Variants in PREP observed in about 807,000 individuals in gnomAD.
PREP encodes the protein prolyl endopeptidase.
A neutral mutation model predicts 87.6 loss-of-function variants in PREP; 29 were observed. The observed-to-expected ratio is 0.33, with a 90% CI of 0.25 to 0.45. The LOEUF (loss-of-function observed/expected upper bound fraction) is 0.45. PREP is among the 20% of genes least tolerant of loss of function. The pLI is 1.00. For synonymous variants in PREP, 337 were observed against 328.6 expected (o/e 1.03, Z -0.28); for missense variants, 695 against 886.5 (o/e 0.78, Z 2.74).
chr6:105,357,529 C>G (rs1420504929), intron 6 of PREP, among the ~76,000 whole-genome samples: 1 of 152,200 alleles, frequency 6.6e-6, no homozygotes, highest in Admixed American at 6.5e-5. Flanking sequence ...TCTGGAGTTG[C>G]TCCATAGCCA....
chr6:105,377,883 G>A (rs1772728914), intron 2 of PREP, among the ~76,000 whole-genome samples: 2 of 152,172 alleles, frequency 1.3e-5, no homozygotes, highest in South Asian at 4.1e-4. Flanking sequence ...ACATCATACA[G>A]CTAGGAAGTG....
rs878957330 is a variant in PREP at position 105,285,422 on chromosome 6, A to G, written c.1549+64T>C. The G allele has an allele frequency of 2.6e-5, 39 of 1,505,506 alleles. No homozygotes were observed. The South Asian group carries it at 4.3e-4, about 17-fold the overall frequency. 93.3% of individuals were successfully genotyped at this position (1,505,506 alleles called of 1,614,324 possible). A position where few individuals can be genotyped will look rare whatever the true frequency, so the allele number is the denominator to read the frequency against. ...ACCCCTTCAGCTCATTCAAACAGGA[A>G]GGATCAGCACAACCTTAGCTTTGAT... On this transcript the variant is annotated intron_variant, in intron 12 of 14. Coordinates refer to ENST00000652536, the MANE Select transcript of PREP (RefSeq NM_002726.5).
At chr6:105,370,803 T>A (rs1008320909) in intron 5 of PREP, among the ~76,000 whole-genome samples, 2 of 152,196 alleles carry the variant, frequency 1.3e-5, no homozygotes, top group African/African-American at 4.8e-5. Context: ...AACTACAGGA[T>A]GTTCTGGAAA....
At chr6:105,313,588 C>T (rs1005360261) in intron 10 of PREP, among the ~76,000 whole-genome samples, 4 of 152,192 alleles carry the variant, frequency 2.6e-5, no homozygotes, top group Non-Finnish European at 5.9e-5. Context: ...AATTGTCTAC[C>T]ATCACCTATT....
chr6:105,390,912 A>G (rs1349825394), intron 2 of PREP, among the ~76,000 whole-genome samples: 1 of 152,128 alleles, frequency 6.6e-6, no homozygotes, highest in Non-Finnish European at 1.5e-5. Flanking sequence ...AGTGTAAAAA[A>G]GCAGGGCTGA....
chr6:105,395,105 T>C (rs1195581712), intron 2 of PREP, among the ~76,000 whole-genome samples: 2 of 152,248 alleles, frequency 1.3e-5, no homozygotes, highest in South Asian at 2.1e-4. Flanking sequence ...ATTGCCATGG[T>C]AGAATATGAA....
At chr6:105,340,394 A>G (rs1292736603) in intron 7 of PREP, among the ~76,000 whole-genome samples, 5 of 152,344 alleles carry the variant, frequency 3.3e-5, no homozygotes, top group Admixed American at 3.3e-4. Context: ...TGAAGGAAGC[A>G]CTAAACATGG....
intron 5 of PREP, among the ~76,000 whole-genome samples, chr6:105,370,225 G>T (rs1583089340): frequency 6.7e-6 from 1 of 148,654 alleles, no homozygotes; most frequent in Middle Eastern, 3.6e-3. Flanking sequence ...ACTCCAGCCT[G>T]GATATTTATA....
At chr6:105,326,063 C>A (rs2114649442) in intron 9 of PREP, among the ~76,000 whole-genome samples, 1 of 152,262 alleles carries the variant, frequency 6.6e-6, no homozygotes, top group East Asian at 1.9e-4. Context: ...AAAAAGGCGG[C>A]AAACTTTGTA....
intron 12 of PREP, among the ~76,000 whole-genome samples, chr6:105,283,986 G>C (rs1055044934): frequency 2.6e-5 from 4 of 151,888 alleles, no homozygotes; most frequent in East Asian, 1.9e-4. Context: ...CCATGAGTAG[G>C]GGGTATGGTG....
At chr6:105,294,082 C>A (rs892477517) in intron 10 of PREP, among the ~76,000 whole-genome samples, 1 of 152,184 alleles carries the variant, frequency 6.6e-6, no homozygotes, top group Admixed American at 6.5e-5. Context: ...CTCCTTGCTT[C>A]CATTTGCTTC....
At chr6:105,365,051 A>C (rs961368093) in intron 6 of PREP, among the ~76,000 whole-genome samples, 1 of 152,146 alleles carries the variant, frequency 6.6e-6, no homozygotes, top group African/African-American at 2.4e-5. Flanking sequence ...GTTTGAGACC[A>C]CCCTGGCCAA....
chr6:105,372,224 A>G (rs1197896939), intron 5 of PREP, among the ~76,000 whole-genome samples: 1 of 152,086 alleles, frequency 6.6e-6, no homozygotes, highest in East Asian at 1.9e-4. Context: ...AAAAAACAGA[A>G]AAGAAAGCAA....
intron 6 of PREP, among the ~76,000 whole-genome samples, chr6:105,360,981 T>C (rs1348300741): frequency 3.9e-5 from 6 of 152,110 alleles, no homozygotes; most frequent in African/African-American, 1.2e-4. Context: ...ATACATACCA[T>C]ACATGTATGA....
Position 105,377,392 on chromosome 6 carries a change from C to G in PREP, c.248G>C (p.Gly83Ala), listed in dbSNP as rs143212777. The G allele has an allele frequency of 6.2e-7, 1 of 1,602,280 alleles. No individual in the cohort carries two copies. Among genetic ancestry groups the G allele is most frequent in the East Asian group, 2.2e-5 (1 of 44,754 alleles). Reference sequence around the variant, plus strand: ...TCAGTAAAAGCAGTCTCACCGTTTTCCTTTCTTGAAGTGGCAACTATACTT... The same window carrying G: ...TCAGTAAAAGCAGTCTCACCGTTTTGCTTTCTTGAAGTGGCAACTATACTT... ...YPKYSCHFKK[G>A]KRYFYFYNTG... The change falls in exon 3 of 15, where the codon GGA (glycine) becomes GCA (alanine). Residue 83 changes from glycine to alanine, a missense_variant. Physicochemically the swap from Gly to Ala is moderately conservative, Grantham distance 60. Coordinates refer to ENST00000652536, the MANE Select transcript of PREP (RefSeq NM_002726.5).
chr6:105,333,288 A>G (rs1320862494), intron 8 of PREP, 26 bp downstream of exon 8: 6 of 1,597,122 alleles, frequency 3.8e-6, no homozygotes, highest in African/African-American at 1.3e-5. Flanking sequence ...ACAAGAGCAC[A>G]ATTTTCAAGT....
chr6:105,389,437 C>A (rs1032139689), intron 2 of PREP, among the ~76,000 whole-genome samples: 1 of 152,196 alleles, frequency 6.6e-6, no homozygotes, highest in African/African-American at 2.4e-5. Flanking sequence ...ACAGAAGCAA[C>A]ATCGGAAATG....
intron 2 of PREP, among the ~76,000 whole-genome samples, chr6:105,395,010 T>A (rs1583108148): frequency 1.3e-5 from 2 of 152,190 alleles, no homozygotes; most frequent in Non-Finnish European, 2.9e-5. Context: ...ACAGAAGTCA[T>A]TAGGCATAAT....
chr6:105,294,738 CT>C lies in PREP; in HGVS notation c.1318-5845del, dbSNP rs145502520. 5.1e-3 allele frequency among the ~76,000 whole-genome samples: 774 copies of C among 152,350 alleles called. 7 individuals are homozygous for C. Among genetic ancestry groups the C allele is most frequent in the African/African-American group, 0.018 (762 of 41,576 alleles). On this transcript the variant is annotated intron_variant, in intron 10 of 14. Transcript: ENST00000652536. Reference sequence around the variant, plus strand: ...TTGGCCCTTAGAGCCTGAATTTCTTCTGCAAAGAACTAGGACAACCCACCTT... The same window carrying C: ...TTGGCCCTTAGAGCCTGAATTTCTTCGCAAAGAACTAGGACAACCCACCTT...
Sources: allele counts gnomAD v4.1 joint callset (sites outside exome capture counted in the v4.1 genomes callset), GRCh38; gene constraint gnomAD v4.1.1; transcripts MANE v1.5; gene names NCBI Gene and HGNC (gene_info 2026-07-23, HGNC 2026-07-21).